Variants in CLYBL observed in about 807,000 individuals in gnomAD.
CLYBL encodes citramalyl-CoA lyase, mitochondrial.
CLYBL carries 31 observed loss-of-function variants against 38.9 expected under a neutral mutation model. The observed-to-expected ratio is 0.80, with a 90% CI of 0.60 to 1.08. The LOEUF is 1.08. Among genes scored for constraint, CLYBL ranks in the 50% least tolerant of loss-of-function variants. The pLI is 0.00. For synonymous variants in CLYBL, 171 were observed against 158.6 expected (o/e 1.08, Z -0.59); for missense variants, 434 against 411.6 (o/e 1.05, Z -0.47).
At chr13:99,755,299 C>T (rs2049042814) in intron 1 of CLYBL, among the ~76,000 whole-genome samples, 1 of 152,226 alleles carries the variant, frequency 6.6e-6, no homozygotes, top group Non-Finnish European at 1.5e-5. Flanking sequence ...CATGTCATGG[C>T]AGCCTTCCCT....
intron 1 of CLYBL, among the ~76,000 whole-genome samples, chr13:99,765,152 C>T (rs1052842546): frequency 6.6e-5 from 10 of 151,254 alleles, no homozygotes; most frequent in African/African-American, 2.2e-4. Context: ...CTTTCATTTG[C>T]CTGGGAAAAA....
At chr13:99,620,588 C>T (rs1210220701) in intron 1 of CLYBL, among the ~76,000 whole-genome samples, 5 of 152,124 alleles carry the variant, frequency 3.3e-5, no homozygotes, top group East Asian at 3.8e-4. Context: ...CAACCTGGCA[C>T]AACATGATAA....
chr13:99,879,888 C>T (rs1015023881), intron 7 of CLYBL, among the ~76,000 whole-genome samples: 4 of 151,826 alleles, frequency 2.6e-5, no homozygotes, highest in East Asian at 1.9e-4. Context: ...CCATGTGTGC[C>T]GTGGTCATGG....
At chr13:99,893,966 C>T (rs1435299177), downstream of CLYBL, 1 of 152,402 alleles carries the variant, frequency 6.6e-6, no homozygotes, top group African/African-American at 2.4e-5. Context: ...AGTTCATTAT[C>T]TTCCTCATAA....
chr13:99,878,642 G>A (rs1028398904), intron 7 of CLYBL, among the ~76,000 whole-genome samples: 3 of 152,280 alleles, frequency 2.0e-5, no homozygotes, highest in South Asian at 2.1e-4. Context: ...TATGCAAATC[G>A]TACCTCAATA....
chr13:99,633,045 G>C (rs1005001753), intron 1 of CLYBL, among the ~76,000 whole-genome samples: 4 of 151,876 alleles, frequency 2.6e-5, no homozygotes, highest in Non-Finnish European at 4.4e-5. Flanking sequence ...TTCATGACCA[G>C]ACTGGCCAAC....
At chr13:99,771,154 A>G (rs891743082) in intron 1 of CLYBL, among the ~76,000 whole-genome samples, 1 of 150,778 alleles carries the variant, frequency 6.6e-6, no homozygotes, top group Non-Finnish European at 1.5e-5. Context: ...CTCCCACCTC[A>G]GCCTCCTGAG....
chr13:99,692,305 T>C (rs2047917980), intron 1 of CLYBL, among the ~76,000 whole-genome samples: 1 of 150,430 alleles, frequency 6.6e-6, no homozygotes, highest in Non-Finnish European at 1.5e-5. Context: ...TTTTTGTTTG[T>C]TTTTTTGAGA....
At chr13:99,845,380 T>G (rs1214852714) in intron 2 of CLYBL, among the ~76,000 whole-genome samples, 1 of 152,100 alleles carries the variant, frequency 6.6e-6, no homozygotes, top group Non-Finnish European at 1.5e-5. Flanking sequence ...AACCTGCTTG[T>G]TCTCACGTTA....
rs902478683 is a variant in CLYBL at position 99,849,006 on chromosome 13, G to T, written c.250-9855G>T. Among the ~76,000 whole-genome samples the T allele has an allele frequency of 3.3e-5, 5 of 152,196 alleles. No individual in the cohort carries two copies. The highest frequency in any genetic ancestry group is 7.2e-5 in the African/African-American group (3 of 41,536). On this transcript the variant is annotated intron_variant, in intron 2 of 8. Transcript: ENST00000339105. The surrounding 1 kb of genome is among the most constrained non-coding windows in gnomAD (Gnocchi z 4.9). ...ATACAAAAATTAGCTGGGCGTGGTG[G>T]CAGTCACATGTAATCCCAGCTACTT...
intron 2 of CLYBL, among the ~76,000 whole-genome samples, chr13:99,773,500 C>T (rs756506528): frequency 9.2e-5 from 14 of 152,124 alleles, no homozygotes; most frequent in African/African-American, 2.2e-4. Flanking sequence ...TTGTGAACTG[C>T]GCACGTGAAG....
chr13:99,621,745 T>A (rs986255898), intron 1 of CLYBL, among the ~76,000 whole-genome samples: 2 of 83,710 alleles, frequency 2.4e-5, no homozygotes, highest in African/African-American at 8.4e-5. Context: ...AAACATGAGA[T>A]TTTTTGGCGA....
intron 1 of CLYBL, among the ~76,000 whole-genome samples, chr13:99,642,030 T>C (rs1279563851): frequency 6.6e-6 from 1 of 152,204 alleles, no homozygotes; most frequent in Non-Finnish European, 1.5e-5. Flanking sequence ...TGAAAACCCA[T>C]AGGACATGTC....
intron 1 of CLYBL, among the ~76,000 whole-genome samples, chr13:99,659,813 T>C (rs1417961627): frequency 6.6e-6 from 1 of 152,204 alleles, no homozygotes; most frequent in East Asian, 1.9e-4. Flanking sequence ...AAAACCTGTT[T>C]GGCGGCATAA....
Position 99,620,238 on chromosome 13 carries a change from C to T in CLYBL, c.62+13481C>T, listed in dbSNP as rs549834528. On this transcript the variant is annotated intron_variant, in intron 1 of 8. Coordinates refer to ENST00000339105, the MANE Select transcript of CLYBL (RefSeq NM_206808.5). ...CCTAAATTTTAGTCTGATTTTGACT[C>T]AGAAGTGGATACCTGATTTTGGCCT... Among the ~76,000 whole-genome samples the T allele has an allele frequency of 1.8e-3, 267 of 152,308 alleles. 1 individual carries two copies. The highest frequency in any genetic ancestry group is 3.1e-3 in the Non-Finnish European group (214 of 68,036).
intron 1 of CLYBL, among the ~76,000 whole-genome samples, chr13:99,613,337 C>T (rs1319530511): frequency 1.3e-5 from 2 of 152,004 alleles, no homozygotes; most frequent in African/African-American, 4.8e-5. Context: ...TTTAGAGAGG[C>T]GACAACTACA....
intron 2 of CLYBL, among the ~76,000 whole-genome samples, chr13:99,804,965 A>G (rs923226956): frequency 3.3e-5 from 5 of 152,062 alleles, no homozygotes; most frequent in Admixed American, 1.3e-4. Flanking sequence ...CTTTCTGTCT[A>G]TATGAATTTG....
chr13:99,704,201 A>G (rs1482041564), intron 1 of CLYBL, among the ~76,000 whole-genome samples: 1 of 152,210 alleles, frequency 6.6e-6, no homozygotes, highest in Non-Finnish European at 1.5e-5. Context: ...AAGCCTTCAG[A>G]TATCTTTTTC....
rs529930413 is a variant in CLYBL at position 99,821,334 on chromosome 13, G to T, written c.250-37527G>T. Among the ~76,000 whole-genome samples the T allele has an allele frequency of 2.0e-5, 3 of 152,308 alleles. No homozygotes were observed. In the South Asian group the frequency reaches 6.2e-4, roughly 32 times the overall value. On this transcript the variant is annotated intron_variant, in intron 2 of 8. Coordinates refer to ENST00000339105, the MANE Select transcript of CLYBL (RefSeq NM_206808.5). ...GAACTTAATGTACTCATCTTTGGAT[G>T]CCCAGCACCTAACCGTGCCTGGCAT...
Sources: gnomAD v4.1 joint callset for allele counts (sites outside exome capture counted in the v4.1 genomes callset) on GRCh38, gnomAD v4.1.1 for gene constraint, Gnocchi (gnomAD v3.1) non-coding constraint, MANE v1.5 for transcripts, NCBI Gene and HGNC (gene_info 2026-07-23, HGNC 2026-07-21) for gene names.